The following TMEM132D variants were observed in gnomAD, a reference collection of about 807,000 sequenced individuals.
The protein encoded by TMEM132D is transmembrane protein 132D, also known as mature OL transmembrane protein.
In TMEM132D, 21 loss-of-function variants were observed where a neutral mutation model predicts 62.3. That is an observed-to-expected ratio of 0.34 (90% CI 0.24 to 0.49). The LOEUF (loss-of-function observed/expected upper bound fraction) is 0.49, where lower values mean the gene tolerates loss of function less well. Among genes scored for constraint, TMEM132D ranks in the 20% least tolerant of loss-of-function variants. The probability of loss-of-function intolerance (pLI) is 0.99; values close to 1 mark genes in which losing one functional copy is unlikely to be tolerated. For missense variants in TMEM132D, 1,346 were observed against 1,402.8 expected, an observed-to-expected ratio of 0.96 and a Z score of 0.65; for synonymous variants, 621 against 575.6, an observed-to-expected ratio of 1.08 and a Z score of -1.13.
At chr12:129,242,267 T>G (rs1433253877) in intron 4 of TMEM132D, among the ~76,000 whole-genome samples, 1 of 152,248 alleles carries the variant, frequency 6.6e-6, no homozygotes, top group African/African-American at 2.4e-5. Flanking sequence ...AAAGTTGTTT[T>G]CAACCAAGAA....
At chr12:129,528,477 T>C (rs1876122029) in intron 3 of TMEM132D, among the ~76,000 whole-genome samples, 1 of 150,768 alleles carries the variant, frequency 6.6e-6, no homozygotes, top group South Asian at 2.1e-4. Flanking sequence ...TGGTTCACTG[T>C]AAAAAGTAAT....
intron 1 of TMEM132D, among the ~76,000 whole-genome samples, chr12:129,777,920 G>C (rs1401022211): frequency 6.6e-6 from 1 of 151,968 alleles, no homozygotes; most frequent in Non-Finnish European, 1.5e-5. Context: ...GATCACTTGA[G>C]CCCAGGAGTT....
chr12:129,193,752 C>T (rs752343617), intron 5 of TMEM132D, among the ~76,000 whole-genome samples: 1 of 152,202 alleles, frequency 6.6e-6, no homozygotes. Flanking sequence ...ACATACCAGG[C>T]CTTCTGGTAA....
At chr12:129,456,146 C>A (rs1259030138) in intron 3 of TMEM132D, among the ~76,000 whole-genome samples, 1 of 152,078 alleles carries the variant, frequency 6.6e-6, no homozygotes, top group East Asian at 1.9e-4. Flanking sequence ...TTTGGTTTTG[C>A]CAGTTGTTAA....
intron 5 of TMEM132D, among the ~76,000 whole-genome samples, chr12:129,129,884 A>G (rs913193712): frequency 6.6e-6 from 1 of 152,004 alleles, no homozygotes; most frequent in Non-Finnish European, 1.5e-5. Flanking sequence ...TCCCTACAGC[A>G]TTATTGATTA....
At chr12:129,727,507 G>C (rs1223889034) in intron 1 of TMEM132D, among the ~76,000 whole-genome samples, 1 of 152,144 alleles carries the variant, frequency 6.6e-6, no homozygotes, top group Admixed American at 6.5e-5. Flanking sequence ...AATTCGACAT[G>C]AATTTTGTAG....
intron 3 of TMEM132D, among the ~76,000 whole-genome samples, chr12:129,495,439 C>T (rs1042843760): frequency 6.6e-6 from 1 of 152,130 alleles, no homozygotes; most frequent in African/African-American, 2.4e-5. Context: ...CAGAGGGTTA[C>T]ACAGCAGATG....
intron 3 of TMEM132D, among the ~76,000 whole-genome samples, chr12:129,489,058 C>T (rs753799231): frequency 1.4e-4 from 21 of 152,232 alleles, no homozygotes; most frequent in Non-Finnish European, 1.9e-4. Context: ...AACAATACAG[C>T]CAAATGCAAA....
intron 2 of TMEM132D, among the ~76,000 whole-genome samples, chr12:129,686,209 G>T (rs1593119796): frequency 6.6e-6 from 1 of 152,084 alleles, no homozygotes; most frequent in African/African-American, 2.4e-5. Flanking sequence ...ATATGGTTTG[G>T]CTGTGTCCCC....
In TMEM132D at chr12:129,605,149, T is replaced by G. The variant is rs146007355; in HGVS notation, c.969-73944A>C. Among the ~76,000 whole-genome samples, 783 of 152,286 alleles carry G rather than the reference T, an allele frequency of 5.1e-3. 12 individuals carry two copies. The highest frequency in any genetic ancestry group is 0.018 in the African/African-American group (741 of 41,558). On this transcript the variant is annotated intron_variant, in intron 2 of 8. Transcript: ENST00000422113. Reference sequence around the variant, plus strand: ...TTCTCATCATTGTTCCGGTTTCAGATTTTTTTGTCATGTATTTTGTAGTTT... The same window carrying G: ...TTCTCATCATTGTTCCGGTTTCAGAGTTTTTTGTCATGTATTTTGTAGTTT...
chr12:129,477,893 G>C (rs565844104), intron 3 of TMEM132D, among the ~76,000 whole-genome samples: 8 of 152,180 alleles, frequency 5.3e-5, no homozygotes, highest in Admixed American at 2.0e-4. Flanking sequence ...CAGAGAGAGA[G>C]AGTCATGTGT....
At chr12:129,205,691 A>T (rs900902012) in intron 5 of TMEM132D, among the ~76,000 whole-genome samples, 1 of 151,884 alleles carries the variant, frequency 6.6e-6, no homozygotes, top group African/African-American at 2.4e-5. Context: ...AAAACTCTCC[A>T]CCCCTAAACA....
At chr12:129,118,912 C>T (rs1383617947) in intron 5 of TMEM132D, among the ~76,000 whole-genome samples, 7 of 152,180 alleles carry the variant, frequency 4.6e-5, no homozygotes, top group African/African-American at 1.7e-4. Flanking sequence ...ACATGCAGCT[C>T]ATGTGTTCTT....
chr12:129,276,935 G>A (rs991710895), intron 4 of TMEM132D, among the ~76,000 whole-genome samples: 1 of 152,204 alleles, frequency 6.6e-6, no homozygotes, highest in South Asian at 2.1e-4. Context: ...GTGTCTCAAT[G>A]TGTCCGCACC....
At chr12:129,842,939 G>A (rs1213011650) in intron 1 of TMEM132D, among the ~76,000 whole-genome samples, 1 of 152,088 alleles carries the variant, frequency 6.6e-6, no homozygotes, top group Non-Finnish European at 1.5e-5. Flanking sequence ...TATTAGTTAT[G>A]TAAAATTTTA....
chr12:129,880,037 G>A (rs529713134), intron 1 of TMEM132D, among the ~76,000 whole-genome samples: 4 of 151,814 alleles, frequency 2.6e-5, no homozygotes, highest in African/African-American at 9.7e-5. Flanking sequence ...TCCCAAGCAG[G>A]ATAAATAAAT....
chr12:129,123,991 C>T (rs1233960423), intron 5 of TMEM132D, among the ~76,000 whole-genome samples: 1 of 152,172 alleles, frequency 6.6e-6, no homozygotes, highest in Non-Finnish European at 1.5e-5. Flanking sequence ...TGGGACTTCT[C>T]AGCCTCCATA....
Position 129,710,634 on chromosome 12 carries a change from T to C in TMEM132D, c.80-9936A>G, listed in dbSNP as rs117546848. Among the ~76,000 whole-genome samples, 239 of 152,306 alleles carry C rather than the reference T, an allele frequency of 1.6e-3. 3 individuals carry two copies. The East Asian group carries it at 0.041, about 26-fold the overall frequency. ...GAAAAACATTATGCAAAATATCTCT[T>C]GCCTATTTATTTTATCTATTTTATT... is the stretch of plus-strand genomic sequence containing the variant. On this transcript the variant is annotated intron_variant, in intron 1 of 8. Transcript: ENST00000422113.
intron 5 of TMEM132D, among the ~76,000 whole-genome samples, chr12:129,192,820 A>G (rs1878441250): frequency 6.6e-6 from 1 of 152,140 alleles, no homozygotes; most frequent in Non-Finnish European, 1.5e-5. Flanking sequence ...GCACCAAAGG[A>G]GGTTCAAATC....
Sources: allele counts gnomAD v4.1 joint callset (sites outside exome capture counted in the v4.1 genomes callset), GRCh38; gene constraint gnomAD v4.1.1; transcripts MANE v1.5; gene names NCBI Gene and HGNC (gene_info 2026-07-23, HGNC 2026-07-21).